PCLAF: variants seen among roughly 807,000 people sequenced by gnomAD.
PCLAF encodes PCNA-associated factor.
Under a neutral mutation model 15.1 loss-of-function variants are expected in PCLAF, and 12 were observed. That is an observed-to-expected ratio of 0.79 (90% CI 0.51 to 1.29). PCLAF has a LOEUF of 1.29. Ranked by LOEUF, PCLAF falls within the 50% of genes most tolerant of loss-of-function variation. The pLI, the probability that PCLAF is intolerant of heterozygous loss-of-function variation, is 0.00. For missense variants in PCLAF, 116 were observed against 130.9 expected (o/e 0.89, Z 0.56); for synonymous variants, 33 against 47.1 (o/e 0.70, Z 1.22).
chr15:64,385,786 C>T (rs1046725247), upstream of PCLAF, among the ~76,000 whole-genome samples: 14 of 152,076 alleles, frequency 9.2e-5, no homozygotes, highest in African/African-American at 3.4e-4. Flanking sequence ...CGGGCACCAT[C>T]CAATTAACCA....
exon 1 of PCLAF, chr15:64,387,685 A>G (rs1314285697): frequency 1.2e-5 from 17 of 1,407,938 alleles, no homozygotes; most frequent in Middle Eastern, 2.0e-4. Context: ...GGAAGTAGAC[A>G]ACAAAGCAGG....
At chr15:64,380,314 C>A (rs1049236931) in intron 2 of PCLAF, among the ~76,000 whole-genome samples, 5 of 151,820 alleles carry the variant, frequency 3.3e-5, no homozygotes, top group Non-Finnish European at 1.5e-5. Flanking sequence ...ACCCGAGAGG[C>A]GGAGGTTGCA....
intron 3 of PCLAF, among the ~76,000 whole-genome samples, chr15:64,376,340 C>A (rs1182661915): frequency 2.0e-5 from 3 of 151,704 alleles, no homozygotes; most frequent in Non-Finnish European, 4.4e-5. Context: ...GACTCAATAT[C>A]CTATTTGTCC....
Position 64,380,797 on chromosome 15 carries a change from C to T in PCLAF, c.127+161G>A, listed in dbSNP as rs141775445. Among the ~76,000 whole-genome samples, 663 of 152,202 alleles carry T rather than the reference C, an allele frequency of 4.4e-3. 4 individuals are homozygous for T. The highest frequency in any genetic ancestry group is 0.015 in the African/African-American group (615 of 41,530). On this transcript the variant is annotated intron_variant, in intron 2 of 3. Coordinates refer to ENST00000300035, the MANE Select transcript of PCLAF (RefSeq NM_014736.6). ...ATTCCCTTCCATGAGACCTCCCCCC[C>T]ACCTCTACCCTAGCCGGCCAAAAGG...
In PCLAF at chr15:64,381,288, A is replaced by AC. The variant is rs141142230; in HGVS notation, c.46+37dup. The AC allele has an allele frequency of 9.1e-4, 1,453 of 1,603,006 alleles. 3 individuals carry two copies. In the African/African-American group the frequency reaches 0.012, roughly 13 times the overall value. ...CGCCCGTGGCCAGGCTGCCGGGAGG[A>AC]CCCCCCCGCCCTCCAGTACCACACT... On this transcript the variant is annotated intron_variant, in intron 1 of 3. Transcript: ENST00000300035.
At chr15:64,375,630 C>T (rs534767933) in intron 3 of PCLAF, among the ~76,000 whole-genome samples, 85 of 152,162 alleles carry the variant, frequency 5.6e-4, no homozygotes, top group Middle Eastern at 3.4e-3. Context: ...TGAGCTCAAG[C>T]GATCTGCCCA....
At chr15:64,383,339 A>G (rs919190023), upstream of PCLAF, among the ~76,000 whole-genome samples, 2 of 150,056 alleles carry the variant, frequency 1.3e-5, no homozygotes, top group African/African-American at 2.4e-5. Flanking sequence ...CTCATGGCCC[A>G]TCTCATTGCA....
rs1384758165 is a variant in PCLAF at position 64,381,418 on chromosome 15, C to A, written c.-47G>T. On this transcript the variant is annotated 5_prime_UTR_variant, in exon 1 of 4. Coordinates refer to ENST00000300035, the MANE Select transcript of PCLAF (RefSeq NM_014736.6). ...AGGAGAGAACGAACTGACTTCCCAG[C>A]CGAGGGTGTTTCACTGGACAAGGAC... 1.2e-6 allele frequency: 2 copies of A among 1,613,920 alleles called. No individual in the cohort carries two copies.
chr15:64,365,798 G>T lies in PCLAF; in HGVS notation c.*232C>A. 2 of 496,516 alleles carry T rather than the reference G, an allele frequency of 4.0e-6. No individual in the cohort carries two copies. The highest frequency in any genetic ancestry group is 3.5e-6 in the Non-Finnish European group (1 of 282,722). The allele number at this position is 496,516 out of a possible 1,614,324, so 30.8% of individuals were successfully genotyped here. A position where few individuals can be genotyped will look rare whatever the true frequency, so the allele number is the denominator to read the frequency against. On this transcript the variant is annotated 3_prime_UTR_variant, in exon 4 of 4. Coordinates refer to ENST00000300035, the MANE Select transcript of PCLAF (RefSeq NM_014736.6). Reference sequence around the variant, plus strand: ...TTAGCAAGAACTAGACACTTAATTTGGTAAAAGAAACCAAACAATGCATTA... The same window carrying T: ...TTAGCAAGAACTAGACACTTAATTTTGTAAAAGAAACCAAACAATGCATTA...
intron 3 of PCLAF, among the ~76,000 whole-genome samples, chr15:64,375,231 TCTC>T (rs1402985614): frequency 6.6e-5 from 10 of 152,108 alleles, no homozygotes. Flanking sequence ...TTCAAGCAAT[TCTC>T]CTGCTTCAGC....
In PCLAF at chr15:64,377,487, AAATATATATATATATATATATAT is replaced by A. The variant is rs1349251249; in HGVS notation, c.128-605_128-583del. On this transcript the variant is annotated intron_variant, in intron 2 of 3. Coordinates refer to ENST00000300035, the MANE Select transcript of PCLAF (RefSeq NM_014736.6). Reference sequence around the variant, plus strand: ...CTCTGTCTCAAAAAAAAAAAAAAAAAAATATATATATATATATATATATATATATATATATATATATATATATA... The same window carrying A: ...CTCTGTCTCAAAAAAAAAAAAAAAAAATATATATATATATATATATATATA... 1.5e-4 allele frequency among the ~76,000 whole-genome samples: 6 copies of A among 39,702 alleles called. 1 individual carries two copies. The highest frequency in any genetic ancestry group is 5.6e-4 in the African/African-American group (6 of 10,690). The allele number at this position is 39,702 out of a possible 152,430, so 26.0% of individuals were successfully genotyped here. A position where few individuals can be genotyped will look rare whatever the true frequency, so the allele number is the denominator to read the frequency against.
chr15:64,382,415 CA>C (rs112399665), upstream of PCLAF: 733 of 67,962 alleles, frequency 0.011, 1 homozygote, highest in African/African-American at 0.021. Flanking sequence ...GATCCTGTCT[CA>C]AAAAAAAAAA....
chr15:64,370,581 C>G (rs1440627119), intron 3 of PCLAF, among the ~76,000 whole-genome samples: 1 of 151,800 alleles, frequency 6.6e-6, no homozygotes, highest in Non-Finnish European at 1.5e-5. Flanking sequence ...GTTGGCCAGG[C>G]TGGTCTCGAA....
chr15:64,382,470 AAAAAG>A (rs1161409319), upstream of PCLAF: 2 of 159,728 alleles, frequency 1.3e-5, no homozygotes, highest in African/African-American at 2.4e-5. Context: ...AAAGAAAAGA[AAAAAG>A]AAAAGAAAGG....
chr15:64,374,310 G>A (rs996691722), intron 3 of PCLAF, among the ~76,000 whole-genome samples: 1 of 152,136 alleles, frequency 6.6e-6, no homozygotes, highest in Non-Finnish European at 1.5e-5. Flanking sequence ...GGGAGGCCGA[G>A]GCGGGCAGAT....
At chr15:64,385,633 A>G (rs748841346), upstream of PCLAF, among the ~76,000 whole-genome samples, 4 of 151,944 alleles carry the variant, frequency 2.6e-5, no homozygotes, top group Non-Finnish European at 5.9e-5. Flanking sequence ...TCAAAAAAAG[A>G]AAAAGAAAAA....
upstream of PCLAF, chr15:64,381,506 G>C (rs1899822852): frequency 6.4e-7 from 1 of 1,560,436 alleles, no homozygotes; most frequent in Non-Finnish European, 8.7e-7. Flanking sequence ...GGTCTCTCCC[G>C]AGCCACCGCT....
At chr15:64,387,349 T>C in intron 1 of PCLAF, 1 of 710,418 alleles carries the variant, frequency 1.4e-6, no homozygotes, top group Non-Finnish European at 1.8e-6. Flanking sequence ...GCCACTGCAC[T>C]CAAGCCTGGG....
chr15:64,380,916 G>A, intron 2 of PCLAF, 42 bp downstream of exon 2: 1 of 1,545,374 alleles, frequency 6.5e-7, no homozygotes, highest in Non-Finnish European at 8.9e-7. Context: ...GGGCTTGCAG[G>A]TGCCAGGACT....
Sources: gnomAD v4.1 joint callset for allele counts (sites outside exome capture counted in the v4.1 genomes callset) on GRCh38, gnomAD v4.1.1 for gene constraint, MANE v1.5 for transcripts, NCBI Gene and HGNC (gene_info 2026-07-23, HGNC 2026-07-21) for gene names.